Variants in MYZAP observed in about 807,000 individuals in gnomAD.
MYZAP encodes myocardial zonula adherens protein.
A neutral mutation model predicts 69.4 loss-of-function variants in MYZAP; 66 were observed. The ratio of observed to expected loss-of-function variants is 0.95; its 90% CI spans 0.78 to 1.17. The LOEUF is 1.17. Ranked by LOEUF, MYZAP falls within the 50% of genes most tolerant of loss-of-function variation. The pLI is 0.00. For missense variants in MYZAP, 611 were observed against 556.2 expected (o/e 1.10, Z -0.99); for synonymous variants, 256 against 205.9 (o/e 1.24, Z -2.09).
At chr15:57,670,103 A>C (rs1304500461) in intron 11 of MYZAP, among the ~76,000 whole-genome samples, 1 of 152,246 alleles carries the variant, frequency 6.6e-6, no homozygotes, top group Admixed American at 6.5e-5. Flanking sequence ...TGTATATCCT[A>C]CAAATACCAG....
intron 2 of MYZAP, among the ~76,000 whole-genome samples, chr15:57,610,411 G>A (rs2035029603): frequency 6.6e-6 from 1 of 152,184 alleles, no homozygotes; most frequent in African/African-American, 2.4e-5. Flanking sequence ...CCAAGTGAGC[G>A]AGTGTGCTGC....
Position 57,661,483 on chromosome 15 carries a change from C to T in MYZAP, c.1153C>T (p.Gln385Ter). Residue 385 changes from glutamine to a stop codon, truncating the protein, a stop_gained, in exon 11 of 13, where the codon CAG becomes TAG. Coordinates refer to ENST00000267853, the MANE Select transcript of MYZAP (RefSeq NM_001018100.5). LOFTEE classifies it high-confidence loss of function. ...ATTAAAGAAAAAGTTGCAACAGAAA[C>T]AGCTCTTAATACTGCAGCTTTTAGA... ...ESLKKKLQQK[Q>*]LLILQLLEKI... The T allele has an allele frequency of 6.2e-7, 1 of 1,609,262 alleles. No homozygotes were observed. The highest frequency in any genetic ancestry group is 8.5e-7 in the Non-Finnish European group (1 of 1,178,824).
chr15:57,672,163 T>C (rs529084091), intron 11 of MYZAP, among the ~76,000 whole-genome samples: 38 of 152,108 alleles, frequency 2.5e-4, no homozygotes, highest in Non-Finnish European at 4.6e-4. Context: ...GAATTTAGTG[T>C]TTTCCCCCAA....
chr15:57,603,401 C>T (rs2034540078), intron 1 of MYZAP, among the ~76,000 whole-genome samples: 1 of 152,118 alleles, frequency 6.6e-6, no homozygotes, highest in Non-Finnish European at 1.5e-5. Flanking sequence ...AGTGCATCCA[C>T]ACTGTTGTGC....
chr15:57,661,991 T>C (rs2038333297), intron 11 of MYZAP, among the ~76,000 whole-genome samples: 1 of 152,206 alleles, frequency 6.6e-6, no homozygotes, highest in African/African-American at 2.4e-5. Flanking sequence ...TTGCCCAGCT[T>C]AATAAATGTC....
At position 57,637,755 on chromosome 15, in the gene MYZAP, A is replaced by G. The variant is rs1376473946; in HGVS notation, c.994A>G (p.Thr332Ala). The G allele has an allele frequency of 6.2e-7, 1 of 1,611,742 alleles. No individual in the cohort carries two copies. Among genetic ancestry groups the G allele is most frequent in the East Asian group, 2.2e-5 (1 of 44,818 alleles). Residue 332 changes from threonine (T) to alanine (A), a missense_variant, in exon 9 of 13, where the codon ACT becomes GCT. Thr to Ala is a moderately conservative substitution (Grantham distance 58, BLOSUM62 0). Coordinates refer to ENST00000267853, the MANE Select transcript of MYZAP (RefSeq NM_001018100.5). Reference sequence around the variant, plus strand: ...TGAAACAGAAATGTCTGGGGAGTTAACTGATTCTGACAAGGAAAGGTAAGA... The same window carrying G: ...TGAAACAGAAATGTCTGGGGAGTTAGCTGATTCTGACAAGGAAAGGTAAGA... ...EHETEMSGEL[T>A]DSDKERYQQL...
At chr15:57,663,573 T>C (rs2038416562) in intron 11 of MYZAP, among the ~76,000 whole-genome samples, 1 of 152,180 alleles carries the variant, frequency 6.6e-6, no homozygotes, top group African/African-American at 2.4e-5. Flanking sequence ...CTTTCCTTAC[T>C]GAAAGGCCAG....
At chr15:57,638,934 A>G (rs1436414223) in intron 9 of MYZAP, among the ~76,000 whole-genome samples, 1 of 152,216 alleles carries the variant, frequency 6.6e-6, no homozygotes, top group African/African-American at 2.4e-5. Flanking sequence ...TCAGATCTGT[A>G]AATGGTGCAA....
intron 10 of MYZAP, chr15:57,648,508 T>C (rs899162256): frequency 1.0e-6 from 1 of 983,264 alleles, no homozygotes; most frequent in Admixed American, 6.1e-5. Flanking sequence ...ATGTCAATCA[T>C]CTCTGGAAGG....
intron 5 of MYZAP, 122 bp from the exon 6 acceptor site, chr15:57,629,580 G>T (rs1401987009): frequency 7.5e-7 from 1 of 1,338,882 alleles, no homozygotes; most frequent in Non-Finnish European, 1.0e-6. Flanking sequence ...CAGACTGGCA[G>T]TTGCTGTAGC....
chr15:57,646,578 A>C (rs2037457246), intron 10 of MYZAP: 1 of 1,010,118 alleles, frequency 9.9e-7, no homozygotes, highest in East Asian at 1.0e-4. Context: ...GACATCTGCT[A>C]AGGAGATGGG....
intron 1 of MYZAP, among the ~76,000 whole-genome samples, chr15:57,600,394 T>C (rs2034334487): frequency 1.3e-5 from 2 of 152,382 alleles, no homozygotes; most frequent in South Asian, 4.1e-4. Context: ...ATATGTTTTA[T>C]TTTACAAGTT....
intron 12 of MYZAP, among the ~76,000 whole-genome samples, chr15:57,679,325 TTA>T (rs1409110346): frequency 6.9e-6 from 1 of 145,272 alleles, no homozygotes; most frequent in Non-Finnish European, 1.5e-5. Context: ...TCATTCCTGC[TTA>T]TGTTTCACCT....
Position 57,592,013 on chromosome 15 carries a change from C to T in MYZAP, c.-22C>T, listed in dbSNP as rs1449104255. ...CCGGGAGGAACGCCGGCGTCCAGCCCGCTACCGACCGCCGCTGCGGGATGC... is the reference window on the plus strand; with the variant it reads ...CCGGGAGGAACGCCGGCGTCCAGCCTGCTACCGACCGCCGCTGCGGGATGC... On this transcript the variant is annotated 5_prime_UTR_variant, in exon 1 of 13. Transcript: ENST00000267853. The T allele has an allele frequency of 3.5e-6, 5 of 1,429,864 alleles. No individual in the cohort carries two copies. The highest frequency in any genetic ancestry group is 3.0e-5 in the African/African-American group (2 of 67,308). The allele number at this position is 1,429,864 out of a possible 1,614,324, so 88.6% of individuals were successfully genotyped here. A position where few individuals can be genotyped will look rare whatever the true frequency, so the allele number is the denominator to read the frequency against.
intron 10 of MYZAP, among the ~76,000 whole-genome samples, chr15:57,645,761 G>A (rs1359135015): frequency 1.3e-5 from 2 of 152,174 alleles, no homozygotes; most frequent in African/African-American, 4.8e-5. Context: ...TTCCCTTTGG[G>A]AGTCTTGTTG....
chr15:57,665,742 C>A (rs1356758232), intron 11 of MYZAP, among the ~76,000 whole-genome samples: 1 of 152,130 alleles, frequency 6.6e-6, no homozygotes, highest in Non-Finnish European at 1.5e-5. Context: ...TCATGTTGGT[C>A]GCTTGCAATT....
chr15:57,659,460 TG>T (rs1455004964), intron 10 of MYZAP, among the ~76,000 whole-genome samples: 3 of 152,236 alleles, frequency 2.0e-5, no homozygotes, highest in South Asian at 2.1e-4. Context: ...AACAAAATTT[TG>T]TTTACTTCTT....
intron 1 of MYZAP, among the ~76,000 whole-genome samples, chr15:57,600,967 A>G (rs2034373369): frequency 6.6e-6 from 1 of 152,140 alleles, no homozygotes; most frequent in Non-Finnish European, 1.5e-5. Flanking sequence ...GGTCCCAGCT[A>G]TTTAGGGGCC....
chr15:57,651,977 G>C (rs555916447), intron 10 of MYZAP, among the ~76,000 whole-genome samples: 3 of 152,064 alleles, frequency 2.0e-5, no homozygotes, highest in African/African-American at 7.2e-5. Context: ...TCAGAACCCC[G>C]TTGCAACCGA....
Sources: allele counts gnomAD v4.1 joint callset (sites outside exome capture counted in the v4.1 genomes callset), GRCh38; gene constraint gnomAD v4.1.1; transcripts MANE v1.5; gene names NCBI Gene and HGNC (gene_info 2026-07-23, HGNC 2026-07-21).